Variants in LRRC39 observed in about 807,000 individuals in gnomAD.
The protein encoded by LRRC39 is leucine rich repeat containing 39.
Under a neutral mutation model 39.7 loss-of-function variants are expected in LRRC39, and 35 were observed. That is an observed-to-expected ratio of 0.88 (90% CI 0.67 to 1.17). LRRC39 has a LOEUF of 1.17. LRRC39 is among the 50% of genes most tolerant of loss of function. LRRC39 has a pLI of 0.00. For synonymous variants in LRRC39, 113 were observed against 134.1 expected (o/e 0.84, Z 1.09); for missense variants, 357 against 385.8 (o/e 0.93, Z 0.62).
rs534983523 is a variant in LRRC39, at chr1:100,149,522, A to G, written c.953-425T>C. 9.6e-5 allele frequency: 122 copies of G among 1,277,206 alleles called. 1 individual carries two copies. Among genetic ancestry groups the G allele is most frequent in the Admixed American group, 2.5e-4 (9 of 35,330 alleles). The allele number at this position is 1,277,206 out of a possible 1,614,324, so 79.1% of individuals were successfully genotyped here. On this transcript the variant is annotated intron_variant, in intron 9 of 9. Coordinates refer to ENST00000370137, the MANE Select transcript of LRRC39 (RefSeq NM_144620.4). The stretch of plus-strand genomic sequence containing the variant: ...AACTTCCAAAAAGATACTTACAAAC[A>G]TAATTCACAAATTTGAAATAATTTC...
intron 3 of LRRC39, among the ~76,000 whole-genome samples, chr1:100,166,079 T>C (rs1381903276): frequency 1.3e-5 from 2 of 152,152 alleles, no homozygotes; most frequent in Admixed American, 6.5e-5. Context: ...CTCTCTTTGC[T>C]GACTGTCATG....
At chr1:100,166,283 C>G (rs1231198875) in intron 3 of LRRC39, among the ~76,000 whole-genome samples, 1 of 151,930 alleles carries the variant, frequency 6.6e-6, no homozygotes, top group African/African-American at 2.4e-5. Context: ...GTAAAGATAC[C>G]CAAAAATGTG....
rs760101586 is a variant in LRRC39 at position 100,152,369 on chromosome 1, T to C, written c.952+16A>G. ...ACCAAAAAACATTTAATCTGTGTTA[T>C]ATACAAATCTTATACCTGCTCTTCT... On this transcript the variant is annotated intron_variant, in intron 9 of 9. Transcript: ENST00000370137. The C allele has an allele frequency of 1.1e-5, 18 of 1,611,296 alleles. No individual in the cohort carries two copies. Among genetic ancestry groups the C allele is most frequent in the East Asian group, 2.2e-5 (1 of 44,848 alleles).
intron 9 of LRRC39, among the ~76,000 whole-genome samples, chr1:100,151,126 CAAAAAAAAA>C (rs772782982): frequency 2.3e-5 from 1 of 43,674 alleles, no homozygotes; most frequent in African/African-American, 9.0e-5. Context: ...AGAAACTCCT[CAAAAAAAAA>C]AAAAAAAAAA....
chr1:100,172,146 A>G (rs1433934798), intron 2 of LRRC39, among the ~76,000 whole-genome samples: 28 of 152,210 alleles, frequency 1.8e-4, no homozygotes, highest in Admixed American at 1.8e-3. Context: ...CCCAGAGATG[A>G]CTTCAGTGGA....
At chr1:100,173,957 T>C (rs1343087001) in intron 1 of LRRC39, among the ~76,000 whole-genome samples, 1 of 152,102 alleles carries the variant, frequency 6.6e-6, no homozygotes, top group African/African-American at 2.4e-5. Flanking sequence ...TGAAGAGATA[T>C]ACATCATATT....
intron 8 of LRRC39, among the ~76,000 whole-genome samples, 158 bp downstream of exon 8, chr1:100,154,893 T>C (rs1658342269): frequency 6.6e-6 from 1 of 152,252 alleles, no homozygotes; most frequent in Non-Finnish European, 1.5e-5. Context: ...TGAATCCTAT[T>C]CATCAAATTA....
chr1:100,162,826 T>A (rs982790621), intron 3 of LRRC39, among the ~76,000 whole-genome samples: 4 of 152,162 alleles, frequency 2.6e-5, no homozygotes, highest in Admixed American at 1.3e-4. Flanking sequence ...CTAATTTGAA[T>A]ATTTGTTTGC....
intron 1 of LRRC39, among the ~76,000 whole-genome samples, 174 bp from the exon 2 acceptor site, chr1:100,173,544 A>G (rs1266948725): frequency 4.6e-5 from 7 of 152,322 alleles, no homozygotes. Context: ...TAACATTGAA[A>G]GCCTTTCATT....
intron 9 of LRRC39, chr1:100,150,178 A>G (rs1198925641): frequency 6.6e-6 from 1 of 152,226 alleles, no homozygotes; most frequent in African/African-American, 2.4e-5. Flanking sequence ...AACAGTTCCA[A>G]GCACAGAGTA....
intron 2 of LRRC39, among the ~76,000 whole-genome samples, chr1:100,170,144 T>C (rs1261914443): frequency 6.6e-5 from 10 of 152,154 alleles, no homozygotes; most frequent in African/African-American, 2.4e-4. Flanking sequence ...CCTAAGTATA[T>C]AGAAACAGAA....
intron 3 of LRRC39, among the ~76,000 whole-genome samples, chr1:100,167,883 G>A (rs1196239337): frequency 6.6e-6 from 1 of 151,242 alleles, no homozygotes; most frequent in Non-Finnish European, 1.5e-5. Context: ...TATGAGGAAA[G>A]GGACTATTTT....
In LRRC39 at chr1:100,158,263, C is replaced by T. The variant is rs1658605445; in HGVS notation, c.481G>A (p.Val161Ile). The change falls in exon 6 of 10, where the codon GTT becomes ATT. Residue 161 changes from valine (V) to isoleucine (I), a missense_variant. By Grantham distance (29) the Val-to-Ile change is conservative. Coordinates refer to ENST00000370137, the MANE Select transcript of LRRC39 (RefSeq NM_144620.4). Reference protein sequence around the residue: ...CASLEKLELAVNRDICDLPQE... With the variant: ...CASLEKLELAINRDICDLPQE... ...GGAAGATCACATATATCTCTGTTAA[C>T]AGCCAGTTCTAGTTTCTCCAAGCTG... The T allele has an allele frequency of 1.2e-6, 2 of 1,613,900 alleles. No homozygotes were observed. The highest frequency in any genetic ancestry group is 1.7e-6 in the Non-Finnish European group (2 of 1,179,972).
chr1:100,168,276 T>C, intron 3 of LRRC39, 128 bp downstream of exon 3: 1 of 712,614 alleles, frequency 1.4e-6, no homozygotes, highest in Non-Finnish European at 2.2e-6. Flanking sequence ...TCTTTAAGTA[T>C]ATTTTGAGTT....
chr1:100,171,371 AG>A (rs1243212381), intron 2 of LRRC39, among the ~76,000 whole-genome samples: 2 of 152,176 alleles, frequency 1.3e-5, no homozygotes, highest in Non-Finnish European at 2.9e-5. Context: ...GTCAATTTCA[AG>A]GGATTAAAGT....
In LRRC39 at chr1:100,156,165, C is replaced by A; in HGVS notation, c.659+7G>T. ...TTATCATTAGCATAAAGAGTTATTT[C>A]TTTTACCTTTCTATAGTATCAGGAA... is the stretch of plus-strand genomic sequence containing the variant. On this transcript the variant is annotated splice_region_variant and intron_variant, in intron 7 of 9. Transcript: ENST00000370137. 4.4e-6 allele frequency: 7 copies of A among 1,609,080 alleles called. No homozygotes were observed. Among genetic ancestry groups the A allele is most frequent in the Non-Finnish European group, 4.2e-6 (5 of 1,177,882 alleles).
At chr1:100,171,231 A>G (rs1197595873) in intron 2 of LRRC39, among the ~76,000 whole-genome samples, 1 of 152,172 alleles carries the variant, frequency 6.6e-6, no homozygotes, top group East Asian at 1.9e-4. Flanking sequence ...TGAACCACAC[A>G]ATGAATAAAC....
intron 4 of LRRC39, 41 bp from the exon 5 acceptor site, chr1:100,159,456 T>G (rs1409630948): frequency 7.0e-7 from 1 of 1,436,336 alleles, no homozygotes; most frequent in South Asian, 1.6e-5. Flanking sequence ...ATTACTTAAA[T>G]TTTTTTAGTA....
At chr1:100,174,923 C>T (rs1659857246) in intron 1 of LRRC39, among the ~76,000 whole-genome samples, 1 of 152,160 alleles carries the variant, frequency 6.6e-6, no homozygotes, top group South Asian at 2.1e-4. Flanking sequence ...AGGAGGATCC[C>T]TCATGGCGTG....
Sources: gnomAD v4.1 joint callset for allele counts (sites outside exome capture counted in the v4.1 genomes callset) on GRCh38, gnomAD v4.1.1 for gene constraint, MANE v1.5 for transcripts, NCBI Gene and HGNC (gene_info 2026-07-23, HGNC 2026-07-21) for gene names.